The following KCNU1 variants were observed in gnomAD, a reference collection of about 807,000 sequenced individuals.
KCNU1 encodes potassium calcium-activated channel subfamily U member 1.
Under a neutral mutation model 126.8 loss-of-function variants are expected in KCNU1, and 93 were observed. The observed-to-expected ratio is 0.73, with a 90% confidence interval of 0.62 to 0.87. KCNU1 has a LOEUF of 0.87. Ranked by LOEUF, KCNU1 falls within the 40% of genes least tolerant of loss-of-function variation. KCNU1 has a pLI of 0.00. For missense variants in KCNU1, 1,330 were observed against 1,367.1 expected (o/e 0.97, Z 0.43); for synonymous variants, 523 against 494.2 (o/e 1.06, Z -0.77).
intron 26 of KCNU1, among the ~76,000 whole-genome samples, chr8:36,934,906 C>T (rs149002942): frequency 7.9e-5 from 12 of 152,262 alleles, no homozygotes; most frequent in Admixed American, 2.6e-4. Flanking sequence ...CATTAACGTT[C>T]ACTATTTGCT....
Position 36,921,767 on chromosome 8 carries a change from G to C in KCNU1, c.2597-723G>C, listed in dbSNP as rs1451310041. On this transcript the variant is annotated intron_variant, in intron 23 of 26. Coordinates refer to ENST00000399881, the MANE Select transcript of KCNU1 (RefSeq NM_001031836.3). ...TATTCACCTCAGAGGCTGCCTACCA[G>C]GGTCTGAGTTGGAGCCTGGGGCCAG... 2.0e-5 allele frequency among the ~76,000 whole-genome samples: 3 copies of C among 152,138 alleles called. No homozygotes were observed. In the East Asian group the frequency reaches 5.8e-4, roughly 30 times the overall value.
At chr8:36,839,345 C>T (rs1462190706) in intron 14 of KCNU1, among the ~76,000 whole-genome samples, 2 of 152,158 alleles carry the variant, frequency 1.3e-5, no homozygotes, top group African/African-American at 4.8e-5. Flanking sequence ...AACTCTTCTC[C>T]ATCCCCACGC....
intron 10 of KCNU1, among the ~76,000 whole-genome samples, chr8:36,820,323 A>G (rs949050194): frequency 1.3e-5 from 2 of 152,312 alleles, no homozygotes; most frequent in South Asian, 2.1e-4. Flanking sequence ...GTGCTAGCAT[A>G]CCAAGAGCCA....
intron 14 of KCNU1, among the ~76,000 whole-genome samples, chr8:36,838,999 T>G (rs906686603): frequency 3.3e-5 from 5 of 152,180 alleles, no homozygotes; most frequent in Non-Finnish European, 7.3e-5. Flanking sequence ...TCTCTCAGAG[T>G]AGGCCCTTAC....
At chr8:36,806,138 G>T in intron 4 of KCNU1, 131 bp from the exon 5 acceptor site, 1 of 591,638 alleles carries the variant, frequency 1.7e-6, no homozygotes. Flanking sequence ...ATATGTGTCT[G>T]TGTATATGTA....
rs1485860246 is a variant in KCNU1, at chr8:36,909,336, A to C, written c.2132A>C (p.Lys711Thr). 6.2e-7 allele frequency: 1 copy of C among 1,613,444 alleles called. No individual in the cohort carries two copies. The highest frequency in any genetic ancestry group is 8.5e-7 in the Non-Finnish European group (1 of 1,179,422). ...AAACGAACTGGCAAGTCAAAGTATA[A>C]GTTTCGGAACCATATTGTAGCATGT... Reference protein sequence around the residue: ...TLKRTGKSKYKFRNHIVACVF... With the variant: ...TLKRTGKSKYTFRNHIVACVF... The change falls in exon 21 of 27, where the codon AAG becomes ACG. Residue 711 changes from lysine to threonine, a missense_variant. Physicochemically the swap from Lys to Thr is moderately conservative, Grantham distance 78 (BLOSUM62 -1). Transcript: ENST00000399881.
chr8:36,893,124 G>A (rs1463988922), intron 19 of KCNU1, among the ~76,000 whole-genome samples: 3 of 147,128 alleles, frequency 2.0e-5, no homozygotes, highest in African/African-American at 7.5e-5. Flanking sequence ...ACCATGCCTA[G>A]CTACTTTTTG....
rs766209003 is a variant in KCNU1 at position 36,905,780 on chromosome 8, A to C, written c.2082A>C (p.Pro694=). 1.9e-6 allele frequency: 3 copies of C among 1,583,602 alleles called. No individual in the cohort carries two copies. In the South Asian group the frequency reaches 3.4e-5, roughly 18 times the overall value. The change falls in exon 20 of 27, where the codon CCA becomes CCC. Residue 694 remains proline, a synonymous_variant. Coordinates refer to ENST00000399881, the MANE Select transcript of KCNU1 (RefSeq NM_001031836.3). ...DSSGMFHWCK[P]TSLDKVTLKR... The stretch of plus-strand genomic sequence containing the variant: ...GTGGGATGTTTCACTGGTGCAAACC[A>C]ACCTCTTTGGACAAGGTGACTCTGG...
At position 36,784,613 on chromosome 8, in the gene KCNU1, T is replaced by G. The variant is rs1802647959; in HGVS notation, c.195+8T>G. ...GGAACAGGAATTATCTTGGTCAGTT[T>G]CCTTGTTAGGGATCCCTCTGTGTGA... On this transcript the variant is annotated splice_region_variant and intron_variant, in intron 1 of 26. Transcript: ENST00000399881. The G allele has an allele frequency of 6.2e-7, 1 of 1,601,622 alleles. No homozygotes were observed.
At chr8:36,920,633 G>T (rs951368643) in intron 23 of KCNU1, among the ~76,000 whole-genome samples, 1 of 152,164 alleles carries the variant, frequency 6.6e-6, no homozygotes, top group East Asian at 1.9e-4. Context: ...ATGGGGATCT[G>T]AAGGAAATGG....
At chr8:36,883,469 G>C (rs144882523) in intron 19 of KCNU1, among the ~76,000 whole-genome samples, 4 of 152,224 alleles carry the variant, frequency 2.6e-5, no homozygotes, top group Non-Finnish European at 5.9e-5. Flanking sequence ...TCCTTGTTGT[G>C]CTTTGCCTTT....
chr8:36,882,551 C>T (rs1806526544), intron 19 of KCNU1, among the ~76,000 whole-genome samples: 1 of 152,166 alleles, frequency 6.6e-6, no homozygotes, highest in Admixed American at 6.5e-5. Context: ...AAATTGGCAG[C>T]ACTGAGCCCC....
chr8:36,839,459 A>G (rs1391276109), intron 14 of KCNU1, among the ~76,000 whole-genome samples: 1 of 152,226 alleles, frequency 6.6e-6, no homozygotes, highest in Non-Finnish European at 1.5e-5. Flanking sequence ...CCTAATAATC[A>G]GAGCCCGCCT....
At chr8:36,796,731 G>A (rs1427340135) in intron 2 of KCNU1, among the ~76,000 whole-genome samples, 2 of 152,006 alleles carry the variant, frequency 1.3e-5, no homozygotes, top group Non-Finnish European at 2.9e-5. Context: ...GGATATCTTT[G>A]CCCAGCTCTC....
At chr8:36,903,314 T>A (rs1372811490) in intron 19 of KCNU1, among the ~76,000 whole-genome samples, 1 of 152,120 alleles carries the variant, frequency 6.6e-6, no homozygotes, top group Non-Finnish European at 1.5e-5. Context: ...AGGCATTGAA[T>A]AATAAACTGT....
chr8:36,842,927 G>T (rs1412310183), intron 16 of KCNU1, among the ~76,000 whole-genome samples: 1 of 152,168 alleles, frequency 6.6e-6, no homozygotes, highest in Non-Finnish European at 1.5e-5. Flanking sequence ...GCTTCCCAAA[G>T]TGCTGGGATT....
At chr8:36,869,496 C>T (rs192968624) in intron 19 of KCNU1, among the ~76,000 whole-genome samples, 1 of 152,096 alleles carries the variant, frequency 6.6e-6, no homozygotes, top group Non-Finnish European at 1.5e-5. Context: ...TTTACAGATA[C>T]CAGGGACCGT....
intron 19 of KCNU1, among the ~76,000 whole-genome samples, chr8:36,893,926 T>A (rs1053802524): frequency 6.6e-6 from 1 of 152,160 alleles, no homozygotes; most frequent in Non-Finnish European, 1.5e-5. Context: ...AATGGTCCCT[T>A]AACCTGGTTT....
intron 20 of KCNU1, among the ~76,000 whole-genome samples, chr8:36,906,992 A>G (rs1807654870): frequency 6.6e-6 from 1 of 152,142 alleles, no homozygotes. Flanking sequence ...GAAATAGCAG[A>G]AGTTTTATTA....
Sources: allele counts gnomAD v4.1 joint callset (sites outside exome capture counted in the v4.1 genomes callset), GRCh38; gene constraint gnomAD v4.1.1; transcripts MANE v1.5; gene names NCBI Gene and HGNC (gene_info 2026-07-23, HGNC 2026-07-21).